The following WDR89 variants were observed in gnomAD, a reference collection of about 807,000 sequenced individuals.
The protein encoded by WDR89 is WD repeat domain 89.
A neutral mutation model predicts 29.1 loss-of-function variants in WDR89; 17 were observed. The observed-to-expected ratio is 0.58, with a 90% CI of 0.40 to 0.88. WDR89 has a LOEUF of 0.88. Among genes scored for constraint, WDR89 ranks in the 40% least tolerant of loss-of-function variants. WDR89 has a pLI of 0.00. For missense variants in WDR89, 396 were observed against 456.3 expected, an observed-to-expected ratio of 0.87 and a Z score of 1.20; for synonymous variants, 138 against 157.8, an observed-to-expected ratio of 0.87 and a Z score of 0.94.
rs1471637626 is a variant in WDR89, at chr14:63,627,144, A to ACT, written c.-137-2112_-137-2111insAG. On this transcript the variant is annotated intron_variant, in intron 1 of 2. Coordinates refer to ENST00000620954, the MANE Select transcript of WDR89 (RefSeq NM_080666.4). ...TCTAAACACACACACACACACACAC[A>ACT]CACACACTCTCTCTCTCTCTCTCTC... Among the ~76,000 whole-genome samples, 1,166 of 131,362 alleles carry ACT rather than the reference A, an allele frequency of 8.9e-3. 6 individuals carry two copies. The highest frequency in any genetic ancestry group is 0.012 in the African/African-American group (371 of 31,668). 86.2% of individuals were successfully genotyped at this position (131,362 alleles called of 152,430 possible). A position where few individuals can be genotyped will look rare whatever the true frequency, so the allele number is the denominator to read the frequency against.
chr14:63,624,800 GAACT>G (rs1021533317), intron 2 of WDR89, 124 bp downstream of exon 2: 3 of 151,962 alleles, frequency 2.0e-5, no homozygotes, highest in Non-Finnish European at 2.9e-5. Flanking sequence ...CAATTAAAAA[GAACT>G]AACAATACCA....
chr14:63,627,660 A>G (rs1883156640), intron 1 of WDR89, among the ~76,000 whole-genome samples: 1 of 152,212 alleles, frequency 6.6e-6, no homozygotes. Context: ...GGTTAGAATC[A>G]TAAAGCAAGT....
At chr14:63,635,901 A>G (rs1442920417) in intron 1 of WDR89, among the ~76,000 whole-genome samples, 1 of 152,176 alleles carries the variant, frequency 6.6e-6, no homozygotes, top group Non-Finnish European at 1.5e-5. Context: ...CAAACAAACA[A>G]ACAAAACTTA....
At chr14:63,633,613 A>T (rs1883543388) in intron 1 of WDR89, among the ~76,000 whole-genome samples, 1 of 152,208 alleles carries the variant, frequency 6.6e-6, no homozygotes, top group South Asian at 2.1e-4. Flanking sequence ...ACATCCCTAA[A>T]TGTAAATATT....
intron 2 of WDR89, among the ~76,000 whole-genome samples, chr14:63,613,481 C>T (rs956060945): frequency 2.4e-4 from 36 of 151,296 alleles, no homozygotes; most frequent in Non-Finnish European, 4.4e-4. Context: ...TTGTGTATTC[C>T]AGCTCTTTTT....
intron 2 of WDR89, among the ~76,000 whole-genome samples, chr14:63,623,270 A>G (rs542248955): frequency 6.6e-6 from 1 of 152,052 alleles, no homozygotes; most frequent in East Asian, 1.9e-4. Flanking sequence ...CACACAAAAT[A>G]TTAAACAGTA....
chr14:63,607,490 A>G (rs867539629), intron 2 of WDR89, among the ~76,000 whole-genome samples: 3 of 152,200 alleles, frequency 2.0e-5, no homozygotes, highest in Non-Finnish European at 4.4e-5. Flanking sequence ...GAGAACAGTA[A>G]CAGAAATCCC....
chr14:63,603,307 A>C (rs1895166118), intron 2 of WDR89, among the ~76,000 whole-genome samples: 2 of 152,054 alleles, frequency 1.3e-5, no homozygotes, highest in Non-Finnish European at 2.9e-5. Flanking sequence ...TTAAAAATGA[A>C]CCTTTTGATG....
chr14:63,638,379 G>A (rs1883886670), intron 1 of WDR89, among the ~76,000 whole-genome samples: 1 of 152,214 alleles, frequency 6.6e-6, no homozygotes, highest in African/African-American at 2.4e-5. Flanking sequence ...TTGAGCCCAA[G>A]AGTTTGAGTC....
chr14:63,602,246 A>G (rs1462116556), intron 2 of WDR89, among the ~76,000 whole-genome samples: 2 of 152,058 alleles, frequency 1.3e-5, no homozygotes, highest in Non-Finnish European at 2.9e-5. Flanking sequence ...AGGCCGAGGC[A>G]GCGATCACTG....
At chr14:63,626,104 G>GTCTCA (rs1883027787) in intron 1 of WDR89, among the ~76,000 whole-genome samples, 4 of 151,908 alleles carry the variant, frequency 2.6e-5, no homozygotes, top group South Asian at 4.1e-4. Flanking sequence ...CGCCCACCTT[G>GTCTCA]GCCTCCCAAA....
intron 2 of WDR89, among the ~76,000 whole-genome samples, chr14:63,624,021 T>C (rs981758271): frequency 2.6e-5 from 4 of 151,990 alleles, no homozygotes; most frequent in African/African-American, 9.7e-5. Context: ...TAGACCTAAA[T>C]GTAAAAGCAA....
chr14:63,605,211 TACACAC>T (rs200461481), intron 2 of WDR89, among the ~76,000 whole-genome samples: 29 of 102,552 alleles, frequency 2.8e-4, no homozygotes, highest in Admixed American at 7.7e-4. Context: ...TACATACACA[TACACAC>T]ACACACACAC....
rs189977133 is a variant in WDR89, at chr14:63,619,087, C to T, written c.-32+5841G>A. Among the ~76,000 whole-genome samples the T allele has an allele frequency of 3.9e-5, 6 of 152,278 alleles. No homozygotes were observed. In the East Asian group the frequency reaches 5.8e-4, roughly 15 times the overall value. ...GCCTCCCTACTTCTGCCAAGCCTTA[C>T]GCTGTGGAAAGAGCACCAACGGTCG... is the stretch of plus-strand genomic sequence containing the variant. On this transcript the variant is annotated intron_variant, in intron 2 of 2. Coordinates refer to ENST00000620954, the MANE Select transcript of WDR89 (RefSeq NM_080666.4).
chr14:63,621,469 G>T (rs1488249042), intron 2 of WDR89, among the ~76,000 whole-genome samples: 1 of 151,988 alleles, frequency 6.6e-6, no homozygotes, highest in African/African-American at 2.4e-5. Flanking sequence ...ATGGTGGCAG[G>T]CACCTGTAAT....
At chr14:63,608,036 T>C (rs921471018) in intron 2 of WDR89, among the ~76,000 whole-genome samples, 1 of 151,494 alleles carries the variant, frequency 6.6e-6, no homozygotes, top group Admixed American at 6.6e-5. Context: ...TGAAACCCCA[T>C]CTCTACTAAG....
intron 2 of WDR89, among the ~76,000 whole-genome samples, chr14:63,605,591 C>G (rs1050916213): frequency 6.6e-6 from 1 of 152,154 alleles, no homozygotes; most frequent in African/African-American, 2.4e-5. Flanking sequence ...CCCGAAGCAG[C>G]TGGGATTACA....
At chr14:63,630,471 C>T (rs1266067979) in intron 1 of WDR89, among the ~76,000 whole-genome samples, 2 of 151,538 alleles carry the variant, frequency 1.3e-5, no homozygotes, top group Non-Finnish European at 2.9e-5. Context: ...GGTGAAACCC[C>T]GTCTCTACTA....
Position 63,599,121 on chromosome 14 carries a change from C to CA in WDR89, c.821dup (p.Leu274PhefsTer11). ...GATATAGGCCACCAATCAAATAGTCCAAAGCATCTTCTTTCATGTTAACTA... is the reference window on the plus strand; with the variant it reads ...GATATAGGCCACCAATCAAATAGTCCAAAAGCATCTTCTTTCATGTTAACTA... On this transcript the variant is annotated frameshift_variant, in exon 3 of 3. Coordinates refer to ENST00000620954, the MANE Select transcript of WDR89 (RefSeq NM_080666.4). LOFTEE classifies it high-confidence loss of function. 6.2e-7 allele frequency: 1 copy of CA among 1,613,976 alleles called. No individual in the cohort carries two copies. The highest frequency in any genetic ancestry group is 8.5e-7 in the Non-Finnish European group (1 of 1,179,960).
Sources: gnomAD v4.1 joint callset for allele counts (sites outside exome capture counted in the v4.1 genomes callset) on GRCh38, gnomAD v4.1.1 for gene constraint, MANE v1.5 for transcripts, NCBI Gene and HGNC (gene_info 2026-07-23, HGNC 2026-07-21) for gene names.